SEC16A: variants seen among roughly 807,000 people sequenced by gnomAD.
The protein encoded by SEC16A is protein transport protein Sec16A.
Under a neutral mutation model 221.9 loss-of-function variants are expected in SEC16A, and 110 were observed. The observed-to-expected ratio is 0.50, with a 90% confidence interval of 0.42 to 0.58. SEC16A has a LOEUF of 0.58. Ranked by LOEUF, SEC16A falls within the 20% of genes least tolerant of loss-of-function variation. The pLI is 0.00. For missense variants in SEC16A, 3,165 were observed against 3,097.8 expected, an observed-to-expected ratio of 1.02 and a Z score of -0.52; for synonymous variants, 1,393 against 1,257.7, an observed-to-expected ratio of 1.11 and a Z score of -2.28.
In SEC16A at chr9:136,471,967, G is replaced by A. The variant is rs776696734; in HGVS notation, c.3704+8C>T. 76 of 1,610,622 alleles carry A rather than the reference G, an allele frequency of 4.7e-5. 2 individuals carry two copies. In the South Asian group the frequency reaches 7.4e-4, roughly 16 times the overall value. The stretch of plus-strand genomic sequence containing the variant: ...ACAGAGAGGCAGCCAGGGTGGGCGC[G>A]GCCGCACCTGGGAGGTGGCCGTTCC... On this transcript the variant is annotated splice_region_variant and intron_variant, in intron 4 of 31. Coordinates refer to ENST00000684901, the MANE Select transcript of SEC16A (RefSeq NM_014866.2).
At chr9:136,482,830 CA>C (rs1368783049) in intron 1 of SEC16A, 107 bp downstream of exon 1, 5 of 300,690 alleles carry the variant, frequency 1.7e-5, no homozygotes, top group Non-Finnish European at 2.5e-5. Flanking sequence ...GGGCTGGGCC[CA>C]GCCGCCTCCT....
intron 12 of SEC16A, among the ~76,000 whole-genome samples, chr9:136,462,211 G>A (rs1218011365): frequency 1.3e-5 from 2 of 152,196 alleles, no homozygotes; most frequent in Non-Finnish European, 2.9e-5. Flanking sequence ...CCATGTCTCT[G>A]CTGTTCAGGG....
At position 136,440,795 on chromosome 9, in the gene SEC16A, C is replaced by T. The variant is rs1341374765; in HGVS notation, c.*960G>A. 3 of 152,426 alleles carry T rather than the reference C, an allele frequency of 2.0e-5. No individual in the cohort carries two copies. The highest frequency in any genetic ancestry group is 7.2e-5 in the African/African-American group (3 of 41,460). The allele number at this position is 152,426 out of a possible 1,614,324, so 9.4% of individuals were successfully genotyped here. On this transcript the variant is annotated 3_prime_UTR_variant, in exon 32 of 32. Transcript: ENST00000684901. ...TACCAACCTCTGAACCAACGTCCCC[C>T]AGGGGAGAAAGTGGGTCATGTGGAT...
chr9:136,452,699 G>A (rs1329550581), intron 22 of SEC16A, among the ~76,000 whole-genome samples: 2 of 149,682 alleles, frequency 1.3e-5, no homozygotes, highest in African/African-American at 2.5e-5. Flanking sequence ...CCTGGGAGGC[G>A]GAGGTTGCAG....
intron 17 of SEC16A, 103 bp from the exon 18 acceptor site, chr9:136,457,687 C>T (rs553369946): frequency 8.6e-6 from 12 of 1,401,922 alleles, no homozygotes; most frequent in East Asian, 5.0e-5. Context: ...ATCCGAGCAT[C>T]GCCCTGTGAG....
At position 136,447,725 on chromosome 9, in the gene SEC16A, A is replaced by AACCCACTGGGATGGCACAGTC. The variant is rs1189062041; in HGVS notation, c.6448-66_6448-46dup. The AACCCACTGGGATGGCACAGTC allele has an allele frequency of 3.8e-6, 6 of 1,567,892 alleles. No individual in the cohort carries two copies. The African/African-American group carries it at 8.1e-5, about 21-fold the overall frequency. On this transcript the variant is annotated intron_variant, in intron 25 of 31. Transcript: ENST00000684901. This position sits in a 1 kb window ranked among gnomAD's most constrained non-coding sequence, Gnocchi z 5.5. ...TTCAGACACCCACTGTGTGCACAGA[A>AACCCACTGGGATGGCACAGTC]ACCCACTGGGATGGCACAGTCAGGA...
intron 22 of SEC16A, among the ~76,000 whole-genome samples, chr9:136,452,216 A>G (rs1353457521): frequency 1.3e-5 from 2 of 151,994 alleles, no homozygotes; most frequent in Non-Finnish European, 2.9e-5. Context: ...TGGGAGGCTG[A>G]GGCAGGTGGA....
rs59857197 is a variant in SEC16A, at chr9:136,467,203, A to G, written c.3803-120T>C. On this transcript the variant is annotated intron_variant, in intron 5 of 31. Transcript: ENST00000684901. ...GCTCCAAGGACTCCTCGAGAAACCC[A>G]GCTTCTTCCTGGAAACCAGCACGAC... The G allele has an allele frequency of 2.1e-3, 2,504 of 1,171,736 alleles. 32 individuals are homozygous for G. The African/African-American group carries it at 0.034, about 16-fold the overall frequency. The allele number at this position is 1,171,736 out of a possible 1,614,324, so 72.6% of individuals were successfully genotyped here.
At chr9:136,446,489 T>C (rs966082770) in intron 28 of SEC16A, among the ~76,000 whole-genome samples, 4 of 152,052 alleles carry the variant, frequency 2.6e-5, no homozygotes, top group African/African-American at 9.7e-5. Context: ...TAACTTTTAT[T>C]ATCGGTAGGT....
chr9:136,448,181 G>A lies in SEC16A; in HGVS notation c.6313-20C>T, dbSNP rs1019300559. 6.3e-7 allele frequency: 1 copy of A among 1,590,640 alleles called. No homozygotes were observed. Among genetic ancestry groups the A allele is most frequent in the Admixed American group, 1.7e-5 (1 of 59,546 alleles). ...TTCACCCTAAATATAAAAAACACGA[G>A]AACAACTTTGAAAACATTATGTTCC... On this transcript the variant is annotated intron_variant, in intron 23 of 31. Transcript: ENST00000684901.
In SEC16A at chr9:136,463,621, T is replaced by G. The variant is rs1264339192; in HGVS notation, c.4509-20A>C. The G allele has an allele frequency of 6.2e-7, 1 of 1,613,716 alleles. No individual in the cohort carries two copies. The highest frequency in any genetic ancestry group is 1.1e-5 in the South Asian group (1 of 91,080). Reference sequence around the variant, plus strand: ...TCGTCTCTGCAGAAAGAACACACAGTGAGCAGTGATGTCTGCAAGGCCGGG... The same window carrying G: ...TCGTCTCTGCAGAAAGAACACACAGGGAGCAGTGATGTCTGCAAGGCCGGG... On this transcript the variant is annotated intron_variant, in intron 10 of 31. Transcript: ENST00000684901.
In SEC16A at chr9:136,474,168, C is replaced by G. The variant is rs370629613; in HGVS notation, c.3448G>C (p.Gly1150Arg). ...WPQPVPALAPGPPPQDLAAYY... is the reference protein window; with the variant it reads ...WPQPVPALAPRPPPQDLAAYY... ...GCGGCCAGGTCCTGAGGCGGTGGGC[C>G]GGGGGCAAGTGCAGGCACTGGCTGT... is the stretch of plus-strand genomic sequence containing the variant. The change falls in exon 3 of 32, where the codon GGC becomes CGC. Residue 1150 changes from glycine to arginine, a missense_variant. Gly to Arg is a moderately radical substitution (Grantham distance 125). Around this residue, in one of 3 missense-constraint regions of SEC16A, gnomAD observed 2,030 missense variants for 1,923.1 expected, o/e 1.06. Coordinates refer to ENST00000684901, the MANE Select transcript of SEC16A (RefSeq NM_014866.2). 2.5e-6 allele frequency: 4 copies of G among 1,612,940 alleles called. No homozygotes were observed. The highest frequency in any genetic ancestry group is 2.5e-6 in the Non-Finnish European group (3 of 1,179,828).
Position 136,464,485 on chromosome 9 carries a change from T to A in SEC16A, c.4381A>T (p.Ile1461Phe). The A allele has an allele frequency of 3.1e-6, 5 of 1,612,968 alleles. No homozygotes were observed. Among genetic ancestry groups the A allele is most frequent in the Non-Finnish European group, 4.2e-6 (5 of 1,179,060 alleles). Residue 1461 changes from isoleucine (I) to phenylalanine (F), a missense_variant, in exon 9 of 32, where the codon ATC becomes TTC. By Grantham distance (21) the Ile-to-Phe change is conservative. Coordinates refer to ENST00000684901, the MANE Select transcript of SEC16A (RefSeq NM_014866.2). Reference protein sequence around the residue: ...CARFGPGGQLIKVIPNLPSEG... With the variant: ...CARFGPGGQLFKVIPNLPSEG... The stretch of plus-strand genomic sequence containing the variant: ...GAAGGCAGATTGGGAATCACTTTGA[T>A]AAGCTGACCGCCAGGGCCAAACCTG...
At position 136,475,609 on chromosome 9, in the gene SEC16A, G is replaced by C. The variant is rs748309542; in HGVS notation, c.2007C>G (p.Leu669=). 26 of 1,613,572 alleles carry C rather than the reference G, an allele frequency of 1.6e-5. No individual in the cohort carries two copies. Among genetic ancestry groups the C allele is most frequent in the Non-Finnish European group, 2.5e-6 (3 of 1,179,846 alleles). ...GCAGGGGACAGACCTGGGGTGCACA[G>C]AGGGTCTCCATGTTGTCTGGTGGCT... ...LEQPPDNMET[L]CAPQVCPLPL... The change falls in exon 3 of 32, where the codon CTC becomes CTG. Residue 669 remains leucine (L), a synonymous_variant. Coordinates refer to ENST00000684901, the MANE Select transcript of SEC16A (RefSeq NM_014866.2). This position sits in a 1 kb window ranked among gnomAD's most constrained non-coding sequence, Gnocchi z 5.0.
chr9:136,451,440 T>G, intron 22 of SEC16A, 32 bp from the exon 23 acceptor site: 1 of 1,556,054 alleles, frequency 6.4e-7, no homozygotes, highest in East Asian at 2.3e-5. Flanking sequence ...CAGGCTCTCC[T>G]GGGGCTCCTC....
rs1841621408 is a variant in SEC16A at position 136,476,310 on chromosome 9, C to T, written c.1306G>A (p.Ala436Thr). ...GCTGTGTCACCCCACACATCACCAGCAGCCTCATTGCTGGGGCCTGGGAGA... is the reference window on the plus strand; with the variant it reads ...GCTGTGTCACCCCACACATCACCAGTAGCCTCATTGCTGGGGCCTGGGAGA... ...ALLPGPSNEAAGDVWGDTAST... is the reference protein window; with the variant it reads ...ALLPGPSNEATGDVWGDTAST... Residue 436 changes from alanine (A) to threonine (T), a missense_variant, in exon 3 of 32, where the codon GCT becomes ACT. By Grantham distance (58) the Ala-to-Thr change is moderately conservative. This residue lies in a region of SEC16A where 2,030 missense variants were observed against 1,923.1 expected (regional missense o/e 1.06). Coordinates refer to ENST00000684901, the MANE Select transcript of SEC16A (RefSeq NM_014866.2). The T allele has an allele frequency of 6.2e-7, 1 of 1,613,088 alleles. No homozygotes were observed. The highest frequency in any genetic ancestry group is 8.5e-7 in the Non-Finnish European group (1 of 1,179,890).
At chr9:136,484,389 C>T (rs1345223424), upstream of SEC16A, 4 of 1,192,546 alleles carry the variant, frequency 3.4e-6, no homozygotes, top group African/African-American at 1.6e-5. Flanking sequence ...GCACTATCCT[C>T]TGTGCCCTCA....
In SEC16A at chr9:136,477,612, G is replaced by C. The variant is rs770409252; in HGVS notation, c.4C>G (p.Gln2Glu). 6.2e-7 allele frequency: 1 copy of C among 1,604,646 alleles called. No individual in the cohort carries two copies. Among genetic ancestry groups the C allele is most frequent in the Non-Finnish European group, 8.5e-7 (1 of 1,175,728 alleles). ...GACGGGACCGTCTGGGGCGGTGGCT[G>C]CATGACTGAACCCTTGCACAAGTCG... MQPPPQTVPSGM... is the reference protein window; with the variant it reads MEPPPQTVPSGM... Residue 2 changes from glutamine (Q) to glutamate (E), a missense_variant, in exon 3 of 32, where the codon CAG (glutamine) becomes GAG (glutamate). Gln to Glu is a conservative substitution (Grantham distance 29, BLOSUM62 2). Transcript: ENST00000684901.
upstream of SEC16A, chr9:136,484,644 C>T: frequency 7.3e-7 from 1 of 1,365,472 alleles, no homozygotes. Context: ...GGGCCGGCGG[C>T]TGGTGAGGGA....
Sources: gnomAD v4.1 joint callset for allele counts (sites outside exome capture counted in the v4.1 genomes callset) on GRCh38, gnomAD v4.1.1 for gene constraint, gnomAD v4.1.1 regional missense constraint, Gnocchi (gnomAD v3.1) non-coding constraint, MANE v1.5 for transcripts, NCBI Gene and HGNC (gene_info 2026-07-23, HGNC 2026-07-21) for gene names.